EPHA6: variants seen among roughly 807,000 people sequenced by gnomAD.
The protein encoded by EPHA6 is EPH receptor A6.
Under a neutral mutation model 112.0 loss-of-function variants are expected in EPHA6, and 50 were observed. The observed-to-expected ratio is 0.45, with a 90% CI of 0.36 to 0.56. The LOEUF is 0.56. EPHA6 is among the 20% of genes least tolerant of loss of function. The pLI is 0.00. For synonymous variants in EPHA6, 529 were observed against 490.7 expected, an observed-to-expected ratio of 1.08 and a Z score of -1.03; for missense variants, 1,280 against 1,417.4, an observed-to-expected ratio of 0.90 and a Z score of 1.56.
chr3:97,059,594 C>T (rs549747613), intron 3 of EPHA6, among the ~76,000 whole-genome samples: 1 of 151,480 alleles, frequency 6.6e-6, no homozygotes, highest in South Asian at 2.1e-4. Context: ...ATTAGATCAT[C>T]ATAGATCAGC....
intron 3 of EPHA6, among the ~76,000 whole-genome samples, chr3:97,048,522 A>G (rs933812269): frequency 6.6e-6 from 1 of 152,146 alleles, no homozygotes; most frequent in African/African-American, 2.4e-5. Context: ...TTGCAGGAGA[A>G]TGTATGATGT....
intron 5 of EPHA6, among the ~76,000 whole-genome samples, chr3:97,246,512 GTA>G (rs1429919063): frequency 6.6e-6 from 1 of 151,548 alleles, no homozygotes; most frequent in Non-Finnish European, 1.5e-5. Context: ...CTAAGAGGTG[GTA>G]TACATATATT....
At chr3:96,829,982 C>CACACACACACACACACACAT (rs771678119) in intron 1 of EPHA6, among the ~76,000 whole-genome samples, 1 of 148,154 alleles carries the variant, frequency 6.7e-6, no homozygotes, top group African/African-American at 2.5e-5. Flanking sequence ...CACACACACA[C>CACACACACACACACACACAT]ACACACAGAA....
At chr3:97,363,030 A>T (rs2084462279) in intron 5 of EPHA6, among the ~76,000 whole-genome samples, 1 of 150,166 alleles carries the variant, frequency 6.7e-6, no homozygotes, top group Non-Finnish European at 1.5e-5. Flanking sequence ...CTAGAAGTGT[A>T]ATTTACTTAG....
intron 4 of EPHA6, among the ~76,000 whole-genome samples, chr3:97,227,756 A>T (rs960457485): frequency 4.6e-5 from 5 of 108,482 alleles, no homozygotes; most frequent in African/African-American, 4.1e-4. Flanking sequence ...CCCATGTACA[A>T]AAAAATGGCC....
chr3:96,976,399 T>G (rs1450227707), intron 2 of EPHA6, among the ~76,000 whole-genome samples: 2 of 152,172 alleles, frequency 1.3e-5, no homozygotes, highest in Admixed American at 1.3e-4. Context: ...TTGTTACACT[T>G]AAACCTGCAC....
intron 5 of EPHA6, among the ~76,000 whole-genome samples, chr3:97,380,115 A>G (rs2085641379): frequency 6.6e-6 from 1 of 152,172 alleles, no homozygotes; most frequent in South Asian, 2.1e-4. Context: ...ACTGTAATTG[A>G]AAACAGACCT....
chr3:97,185,605 A>G (rs1313975335), intron 3 of EPHA6, among the ~76,000 whole-genome samples: 4 of 152,018 alleles, frequency 2.6e-5, no homozygotes, highest in African/African-American at 9.7e-5. Flanking sequence ...ACACTTTTAC[A>G]CTGTTGGTGG....
intron 2 of EPHA6, among the ~76,000 whole-genome samples, chr3:96,970,580 T>C (rs564557180): frequency 1.3e-5 from 2 of 152,210 alleles, no homozygotes; most frequent in African/African-American, 4.8e-5. Flanking sequence ...GTTTTAGTTA[T>C]AATTTAAGCT....
At chr3:96,967,418 G>A (rs947860681) in intron 2 of EPHA6, among the ~76,000 whole-genome samples, 3 of 150,254 alleles carry the variant, frequency 2.0e-5, no homozygotes, top group African/African-American at 7.3e-5. Context: ...TCTTTTTCAC[G>A]CTGAATTTTA....
Position 97,313,883 on chromosome 3 carries a change from G to A in EPHA6, c.1606+69596G>A, listed in dbSNP as rs552513021. ...CTGTGCAGAAAAAGCTTTTCAGTAGGATGAAATCCAACTTGCCTATTTCTT... is the reference window on the plus strand; with the variant it reads ...CTGTGCAGAAAAAGCTTTTCAGTAGAATGAAATCCAACTTGCCTATTTCTT... On this transcript the variant is annotated intron_variant, in intron 5 of 17. Transcript: ENST00000389672. Among the ~76,000 whole-genome samples, 7 of 151,430 alleles carry A rather than the reference G, an allele frequency of 4.6e-5. No individual in the cohort carries two copies. The South Asian group carries it at 8.3e-4, about 18-fold the overall frequency.
chr3:97,400,685 C>A (rs921233351), intron 5 of EPHA6, among the ~76,000 whole-genome samples: 1 of 151,334 alleles, frequency 6.6e-6, no homozygotes, highest in African/African-American at 2.4e-5. Flanking sequence ...TTTATTGTTG[C>A]AGCTATTTTA....
In EPHA6 at chr3:97,598,632, A is replaced by T. The variant is rs921925096; in HGVS notation, c.2512+5895A>T. Among the ~76,000 whole-genome samples, 487 of 152,100 alleles carry T rather than the reference A, an allele frequency of 3.2e-3. 2 individuals carry two copies. The highest frequency in any genetic ancestry group is 0.011 in the African/African-American group (453 of 41,492). On this transcript the variant is annotated intron_variant, in intron 12 of 17. Transcript: ENST00000389672. ...CTGGCTGCATAGTATTCCATGGTGT[A>T]TATGTGCCACATTTTCTTAATCCAG...
At chr3:97,116,410 G>A (rs1456738019) in intron 3 of EPHA6, among the ~76,000 whole-genome samples, 1 of 151,636 alleles carries the variant, frequency 6.6e-6, no homozygotes, top group African/African-American at 2.4e-5. Context: ...ATACAATACA[G>A]TATTATTAAC....
chr3:97,722,571 C>T (rs1372837972), intron 15 of EPHA6, among the ~76,000 whole-genome samples: 2 of 152,064 alleles, frequency 1.3e-5, no homozygotes, highest in Admixed American at 6.5e-5. Context: ...TAGCTCCTCA[C>T]GTAGGGCCAG....
At chr3:97,681,318 G>T (rs2031844328) in intron 14 of EPHA6, among the ~76,000 whole-genome samples, 1 of 152,054 alleles carries the variant, frequency 6.6e-6, no homozygotes, top group Admixed American at 6.6e-5. Context: ...ACACCTGGCA[G>T]TATCTCAAAT....
intron 2 of EPHA6, among the ~76,000 whole-genome samples, chr3:96,869,346 G>A (rs1422062992): frequency 2.0e-5 from 3 of 151,112 alleles, no homozygotes; most frequent in Non-Finnish European, 4.4e-5. Flanking sequence ...AAGGAAAATT[G>A]GGAATAAGAA....
chr3:97,265,594 G>A (rs2079651164), intron 5 of EPHA6, among the ~76,000 whole-genome samples: 1 of 152,186 alleles, frequency 6.6e-6, no homozygotes, highest in Non-Finnish European at 1.5e-5. Context: ...GCCTGCAGGG[G>A]CAGGGGGGGC....
At chr3:96,819,121 C>T (rs2033045920) in intron 1 of EPHA6, among the ~76,000 whole-genome samples, 1 of 151,826 alleles carries the variant, frequency 6.6e-6, no homozygotes, top group Non-Finnish European at 1.5e-5. Flanking sequence ...CCTTAAGGAA[C>T]TCTTCTTCAA....
Sources: allele counts gnomAD v4.1 joint callset (sites outside exome capture counted in the v4.1 genomes callset), GRCh38; gene constraint gnomAD v4.1.1; transcripts MANE v1.5; gene names NCBI Gene and HGNC (gene_info 2026-07-23, HGNC 2026-07-21).